Variants in DCUN1D4 observed in about 807,000 individuals in gnomAD.
DCUN1D4 encodes the protein DCN1-like protein 4.
In DCUN1D4, 22 loss-of-function variants were observed where a neutral mutation model predicts 47.9. The observed-to-expected ratio is 0.46, with a 90% CI of 0.33 to 0.66. DCUN1D4 has a LOEUF of 0.66. Ranked by LOEUF, DCUN1D4 falls within the 30% of genes least tolerant of loss-of-function variation. The probability of loss-of-function intolerance (pLI) is 0.02; values close to 1 mark genes in which losing one functional copy is unlikely to be tolerated. For synonymous variants in DCUN1D4, 121 were observed against 112.2 expected (o/e 1.08, Z -0.50); for missense variants, 301 against 340.8 (o/e 0.88, Z 0.92).
chr4:51,913,465 A>G, intron 10 of DCUN1D4, 64 bp from the exon 11 acceptor site: 1 of 1,569,844 alleles, frequency 6.4e-7, no homozygotes, highest in South Asian at 1.1e-5. Flanking sequence ...AGCCTCAGCT[A>G]CATTACTATT....
intron 1 of DCUN1D4, among the ~76,000 whole-genome samples, chr4:51,859,321 A>G (rs1233146494): frequency 6.6e-6 from 1 of 152,118 alleles, no homozygotes; most frequent in Admixed American, 6.5e-5. Context: ...TTTTGTTGCC[A>G]TTATAATTGC....
chr4:51,887,055 GA>G lies in DCUN1D4; in HGVS notation c.414+419del, dbSNP rs1392553364. 6.6e-6 allele frequency: 3 copies of G among 452,260 alleles called. No homozygotes were observed. The Admixed American group carries it at 7.2e-5, about 11-fold the overall frequency. 28.0% of individuals were successfully genotyped at this position (452,260 alleles called of 1,614,324 possible). On this transcript the variant is annotated intron_variant, in intron 6 of 10. Coordinates refer to ENST00000334635, the MANE Select transcript of DCUN1D4 (RefSeq NM_001040402.3). The stretch of plus-strand genomic sequence containing the variant: ...ATTTTGAGTAGATTGTAATCATCAA[GA>G]ATTTTTCATAGATCGTTTACTTCCA...
At chr4:51,866,884 G>C (rs574340455) in intron 3 of DCUN1D4, among the ~76,000 whole-genome samples, 1 of 152,280 alleles carries the variant, frequency 6.6e-6, no homozygotes, top group Non-Finnish European at 1.5e-5. Context: ...GTGGCTGGTG[G>C]CACCTTCTGC....
At chr4:51,834,103 C>CTTCTTTTTTT in the DCUN1D4 span, among the ~76,000 whole-genome samples, 1 of 42,574 alleles carries the variant, frequency 2.3e-5, no homozygotes, top group Non-Finnish European at 4.1e-5. Context: ...TTTCTTCTTT[C>CTTCTTTTTTT]TTTTTTTTTT....
intron 9 of DCUN1D4, 73 bp downstream of exon 9, chr4:51,911,247 T>C (rs1466895134): frequency 1.5e-5 from 21 of 1,387,150 alleles, no homozygotes; most frequent in Non-Finnish European, 2.0e-5. Flanking sequence ...TCACCCGTTG[T>C]ATGTAATTTT....
At chr4:51,838,738 A>G (rs1191413589), upstream of DCUN1D4, among the ~76,000 whole-genome samples, 1 of 152,196 alleles carries the variant, frequency 6.6e-6, no homozygotes, top group Non-Finnish European at 1.5e-5. Flanking sequence ...ATCCTTATAA[A>G]TAATCTCTGA....
At chr4:51,845,064 G>A in intron 1 of DCUN1D4, 1 of 985,458 alleles carries the variant, frequency 1.0e-6, no homozygotes, top group Non-Finnish European at 1.2e-6. Context: ...GCATTTTGTG[G>A]CCTTACTTGT....
intron 3 of DCUN1D4, among the ~76,000 whole-genome samples, chr4:51,870,078 T>C (rs1405704403): frequency 6.6e-6 from 1 of 152,234 alleles, no homozygotes; most frequent in Non-Finnish European, 1.5e-5. Context: ...AATATCTTGC[T>C]TCTACCTCTG....
intron 8 of DCUN1D4, among the ~76,000 whole-genome samples, chr4:51,899,987 T>C (rs1220030672): frequency 1.3e-5 from 2 of 152,210 alleles, no homozygotes; most frequent in African/African-American, 2.4e-5. Flanking sequence ...ATAGAGAATT[T>C]TGAAGCACCA....
chr4:51,843,124 G>C (rs1056803658), upstream of DCUN1D4: 4 of 1,469,988 alleles, frequency 2.7e-6, no homozygotes, highest in East Asian at 5.7e-5. Context: ...CGAGATGGGC[G>C]GGCTGGGAGT....
At chr4:51,869,056 C>T (rs752494660) in intron 3 of DCUN1D4, among the ~76,000 whole-genome samples, 5 of 133,550 alleles carry the variant, frequency 3.7e-5, no homozygotes, top group African/African-American at 6.0e-5. Flanking sequence ...CCCGGGGGGC[C>T]GAGGTTGCAG....
intron 8 of DCUN1D4, among the ~76,000 whole-genome samples, chr4:51,901,183 C>T (rs529732717): frequency 6.6e-6 from 1 of 152,298 alleles, no homozygotes; most frequent in East Asian, 1.9e-4. Flanking sequence ...TCCTGCTCCC[C>T]ACAGCCTCTA....
intron 1 of DCUN1D4, chr4:51,848,131 A>T (rs1577826786): frequency 1.7e-6 from 2 of 1,150,496 alleles, no homozygotes; most frequent in East Asian, 1.2e-4. Flanking sequence ...ACAAGCTTTC[A>T]CCTACTCATT....
chr4:51,891,899 T>C, intron 7 of DCUN1D4, 48 bp downstream of exon 7: 1 of 1,449,044 alleles, frequency 6.9e-7, no homozygotes, highest in South Asian at 1.2e-5. Flanking sequence ...TCCCAGGTGG[T>C]TGCCTCCTTC....
intron 3 of DCUN1D4, among the ~76,000 whole-genome samples, chr4:51,865,945 T>C (rs980637526): frequency 6.6e-6 from 1 of 152,200 alleles, no homozygotes; most frequent in African/African-American, 2.4e-5. Flanking sequence ...GTGTTCATAC[T>C]CTTTCAGCTT....
At chr4:51,903,457 T>C (rs1471107831) in intron 8 of DCUN1D4, among the ~76,000 whole-genome samples, 8 of 152,214 alleles carry the variant, frequency 5.3e-5, no homozygotes, top group Non-Finnish European at 1.2e-4. Context: ...AAGTTTATTA[T>C]AATATTCCCT....
At chr4:51,898,323 T>C (rs1013832373) in intron 7 of DCUN1D4, among the ~76,000 whole-genome samples, 1 of 152,034 alleles carries the variant, frequency 6.6e-6, no homozygotes, top group Non-Finnish European at 1.5e-5. Flanking sequence ...CACTCAGTCA[T>C]AGTCAGGGGA....
intron 8 of DCUN1D4, among the ~76,000 whole-genome samples, chr4:51,910,360 T>C (rs1733540130): frequency 6.6e-6 from 1 of 152,218 alleles, no homozygotes; most frequent in Non-Finnish European, 1.5e-5. Flanking sequence ...TCTTTTTTTC[T>C]GGTGTCCTTA....
Position 51,908,125 on chromosome 4 carries a change from C to G in DCUN1D4, c.616-2945C>G, listed in dbSNP as rs537510233. ...AGGATCCTTTGGTTTTGCAGCTGTA[C>G]TATATCATTCTATAACTTCTATTTT... is the stretch of plus-strand genomic sequence containing the variant. On this transcript the variant is annotated intron_variant, in intron 8 of 10. Coordinates refer to ENST00000334635, the MANE Select transcript of DCUN1D4 (RefSeq NM_001040402.3). 2.0e-4 allele frequency among the ~76,000 whole-genome samples: 30 copies of G among 152,212 alleles called. No homozygotes were observed. In the South Asian group the frequency reaches 2.7e-3, roughly 14 times the overall value.
Sources: allele counts gnomAD v4.1 joint callset (sites outside exome capture counted in the v4.1 genomes callset), GRCh38; gene constraint gnomAD v4.1.1; transcripts MANE v1.5; gene names NCBI Gene and HGNC (gene_info 2026-07-23, HGNC 2026-07-21).